Variants in BAZ2B observed in about 807,000 individuals in gnomAD.
The protein encoded by BAZ2B is bromodomain adjacent to zinc finger domain protein 2B.
BAZ2B carries 91 observed loss-of-function variants against 246.0 expected under a neutral mutation model. That is an observed-to-expected ratio of 0.37 (90% CI 0.31 to 0.44). The LOEUF (loss-of-function observed/expected upper bound fraction) is 0.44, where lower values mean the gene tolerates loss of function less well. BAZ2B is among the 20% of genes least tolerant of loss of function. BAZ2B has a pLI of 1.00. For missense variants in BAZ2B, 2,332 were observed against 2,533.7 expected, an observed-to-expected ratio of 0.92 and a Z score of 1.71; for synonymous variants, 855 against 860.0, an observed-to-expected ratio of 0.99 and a Z score of 0.10.
At chr2:159,644,765 C>T in the BAZ2B span, among the ~76,000 whole-genome samples, 1 of 152,156 alleles carries the variant, frequency 6.6e-6, no homozygotes, top group Non-Finnish European at 1.5e-5. Context: ...CCAGGAGGCG[C>T]ACCCACTATT....
intron 1 of BAZ2B, among the ~76,000 whole-genome samples, chr2:159,558,578 G>A (rs2151485448): frequency 6.6e-6 from 1 of 152,174 alleles, no homozygotes; most frequent in South Asian, 2.1e-4. Flanking sequence ...TAGAAATTTA[G>A]AAGAGTTCAA....
the BAZ2B span, among the ~76,000 whole-genome samples, chr2:159,640,364 A>G: frequency 6.6e-6 from 1 of 152,318 alleles, no homozygotes; most frequent in South Asian, 2.1e-4. Flanking sequence ...ATAGCTATTT[A>G]CAGAACATTT....
chr2:159,483,789 A>C (rs937487165), intron 2 of BAZ2B, among the ~76,000 whole-genome samples: 20 of 152,290 alleles, frequency 1.3e-4, no homozygotes, highest in Middle Eastern at 3.4e-3. Context: ...TCAAACAAAA[A>C]CAAAACCAAA....
chr2:159,426,748 T>C (rs2069985030), intron 13 of BAZ2B, among the ~76,000 whole-genome samples: 2 of 152,180 alleles, frequency 1.3e-5, no homozygotes, highest in South Asian at 2.1e-4. Flanking sequence ...GTTCTAGTTA[T>C]GTCTCAGCCT....
chr2:159,645,523 C>G, the BAZ2B span, among the ~76,000 whole-genome samples: 27 of 152,010 alleles, frequency 1.8e-4, no homozygotes, highest in Non-Finnish European at 3.1e-4. Context: ...CAATAGGGTT[C>G]ACATTCCTCT....
intron 2 of BAZ2B, among the ~76,000 whole-genome samples, chr2:159,554,863 G>A (rs1017394054): frequency 6.6e-6 from 1 of 151,664 alleles, no homozygotes; most frequent in South Asian, 2.1e-4. Flanking sequence ...TTTTCTTTAG[G>A]TAATATATGT....
intron 2 of BAZ2B, among the ~76,000 whole-genome samples, chr2:159,522,220 G>A (rs1186338141): frequency 6.6e-6 from 1 of 151,998 alleles, no homozygotes; most frequent in African/African-American, 2.4e-5. Context: ...AATATTTAAT[G>A]TGATGTATCT....
chr2:159,588,865 T>C (rs1688655437), intron 1 of BAZ2B, among the ~76,000 whole-genome samples: 1 of 152,138 alleles, frequency 6.6e-6, no homozygotes. Context: ...TAGTATGAAA[T>C]TATTTCCTCA....
chr2:159,335,413 G>A (rs1241447398), intron 33 of BAZ2B, among the ~76,000 whole-genome samples: 1 of 152,002 alleles, frequency 6.6e-6, no homozygotes, highest in African/African-American at 2.4e-5. Flanking sequence ...TGGGCATGGT[G>A]GTGCACGCCT....
downstream of BAZ2B, among the ~76,000 whole-genome samples, chr2:159,316,689 CAAAAAAAAAAAA>C (rs765748671): frequency 1.1e-4 from 4 of 36,244 alleles, no homozygotes; most frequent in Admixed American, 4.5e-4. Flanking sequence ...GACTCCATCT[CAAAAAAAAAAAA>C]AAAAAAAAAA....
the BAZ2B span, among the ~76,000 whole-genome samples, chr2:159,652,707 C>G: frequency 6.6e-6 from 1 of 151,936 alleles, no homozygotes; most frequent in Non-Finnish European, 1.5e-5. Flanking sequence ...CAGCCCTAAC[C>G]TCCTGGGTCA....
intron 20 of BAZ2B, among the ~76,000 whole-genome samples, chr2:159,392,894 C>T (rs1237104133): frequency 6.6e-6 from 1 of 152,054 alleles, no homozygotes; most frequent in African/African-American, 2.4e-5. Flanking sequence ...TGCTATCTTC[C>T]ATTTTCAGTC....
intron 13 of BAZ2B, among the ~76,000 whole-genome samples, chr2:159,416,705 G>C (rs1270544852): frequency 2.6e-5 from 4 of 152,158 alleles, no homozygotes; most frequent in Non-Finnish European, 4.4e-5. Flanking sequence ...TTGGTGCCTA[G>C]AACTTAGCAG....
chr2:159,324,776 A>G, intron 36 of BAZ2B, 35 bp downstream of exon 36: 1 of 1,400,632 alleles, frequency 7.1e-7, no homozygotes, highest in Non-Finnish European at 9.4e-7. Context: ...TCAGGTATTC[A>G]ATAAATATTT....
chr2:159,454,754 A>C (rs1259042716), intron 3 of BAZ2B, among the ~76,000 whole-genome samples: 4 of 152,196 alleles, frequency 2.6e-5, no homozygotes, highest in Non-Finnish European at 5.9e-5. Flanking sequence ...TAAACTTACA[A>C]AGATATTTCT....
intron 2 of BAZ2B, among the ~76,000 whole-genome samples, chr2:159,514,967 T>A: frequency 6.6e-6 from 1 of 152,024 alleles, no homozygotes; most frequent in East Asian, 1.9e-4. Flanking sequence ...AATTACTGAG[T>A]TACCTAAAAT....
rs571261252 is a variant in BAZ2B at position 159,331,361 on chromosome 2, C to A, written c.5943+1179G>T. Among the ~76,000 whole-genome samples, 18 of 152,142 alleles carry A rather than the reference C, an allele frequency of 1.2e-4. No homozygotes were observed. In the South Asian group the frequency reaches 3.7e-3, roughly 32 times the overall value. ...TTGACATCATTAAAGGCCTCTAACA[C>A]CTTATTTATTTATTTATTAATTTAG... is the stretch of plus-strand genomic sequence containing the variant. On this transcript the variant is annotated intron_variant, in intron 34 of 36. Transcript: ENST00000392783.
the BAZ2B span, among the ~76,000 whole-genome samples, chr2:159,680,400 T>C: frequency 6.6e-6 from 1 of 152,236 alleles, no homozygotes; most frequent in African/African-American, 2.4e-5. Context: ...ATAGAATAAG[T>C]ATATACATGG....
At chr2:159,681,732 C>G in the BAZ2B span, among the ~76,000 whole-genome samples, 1 of 151,998 alleles carries the variant, frequency 6.6e-6, no homozygotes, top group Non-Finnish European at 1.5e-5. Context: ...GGAGACCAGC[C>G]TGACTAACAT....
Sources: gnomAD v4.1 joint callset for allele counts (sites outside exome capture counted in the v4.1 genomes callset) on GRCh38, gnomAD v4.1.1 for gene constraint, MANE v1.5 for transcripts, NCBI Gene and HGNC (gene_info 2026-07-23, HGNC 2026-07-21) for gene names.